The following PIEZO2 variants were observed in gnomAD, a reference collection of about 807,000 sequenced individuals.
The protein encoded by PIEZO2 is piezo type mechanosensitive ion channel component 2, also known as piezo-type mechanosensitive ion channel component 2.
In PIEZO2, 172 loss-of-function variants were observed where a neutral mutation model predicts 337.3. That is an observed-to-expected ratio of 0.51 (90% CI 0.45 to 0.58). The LOEUF is 0.58. PIEZO2 is among the 20% of genes least tolerant of loss of function. The pLI is 0.00. For missense variants in PIEZO2, 3,028 were observed against 3,391.3 expected, an observed-to-expected ratio of 0.89 and a Z score of 2.66; for synonymous variants, 1,251 against 1,228.5, an observed-to-expected ratio of 1.02 and a Z score of -0.38.
rs939036771 is a variant in PIEZO2, at chr18:10,731,425, G to A, written c.5011C>T (p.Arg1671Trp). The change falls in exon 36 of 56, where the codon CGG becomes TGG. Residue 1671 changes from arginine (R) to tryptophan (W), a missense_variant. Transcript: ENST00000674853. ...RSAREERKRR[R>W]KGSKEGPVEW... The stretch of plus-strand genomic sequence containing the variant: ...CACTCACCCTCCTTGGATCCTTTCC[G>A]CCTTCGTTTCCGTTCTTCTCTTGCA... 9.1e-6 allele frequency: 14 copies of A among 1,533,860 alleles called. No homozygotes were observed. The highest frequency in any genetic ancestry group is 2.5e-5 in the East Asian group (1 of 40,654).
chr18:10,731,190 T>G (rs966807401), intron 36 of PIEZO2, among the ~76,000 whole-genome samples: 7 of 61,772 alleles, frequency 1.1e-4, no homozygotes, highest in African/African-American at 2.0e-4. Context: ...TATATATATA[T>G]ATATATATAT....
At chr18:10,791,073 G>T in intron 14 of PIEZO2, 128 bp downstream of exon 14, 1 of 1,078,614 alleles carries the variant, frequency 9.3e-7, no homozygotes. Flanking sequence ...CTGTAATAAC[G>T]TTACTTATTG....
intron 2 of PIEZO2, among the ~76,000 whole-genome samples, chr18:10,991,980 G>C (rs2035124238): frequency 6.6e-6 from 1 of 152,192 alleles, no homozygotes; most frequent in South Asian, 2.1e-4. Context: ...CTAATGTCCA[G>C]TGATGATGAG....
intron 35 of PIEZO2, 54 bp from the exon 36 acceptor site, chr18:10,731,575 G>GCT: frequency 8.5e-7 from 1 of 1,182,606 alleles, no homozygotes; most frequent in South Asian, 1.6e-5. Flanking sequence ...TGAAATAAAA[G>GCT]GGACCTACAC....
intron 18 of PIEZO2, among the ~76,000 whole-genome samples, chr18:10,778,268 C>T (rs2038857181): frequency 6.6e-6 from 1 of 152,080 alleles, no homozygotes; most frequent in African/African-American, 2.4e-5. Flanking sequence ...ATTTCAGAAG[C>T]ACACATTATA....
At chr18:11,029,816 T>C (rs1568310934) in intron 2 of PIEZO2, among the ~76,000 whole-genome samples, 1 of 152,136 alleles carries the variant, frequency 6.6e-6, no homozygotes, top group Non-Finnish European at 1.5e-5. Context: ...CCCTAGAAGG[T>C]GGACCCTTCC....
intron 3 of PIEZO2, among the ~76,000 whole-genome samples, chr18:10,920,954 A>C (rs879650619): frequency 6.6e-6 from 1 of 152,082 alleles, no homozygotes; most frequent in African/African-American, 2.4e-5. Context: ...TCAGGAGGCC[A>C]AGGCAGGAGA....
At chr18:10,931,713 T>TGTGC (rs1004023756) in intron 3 of PIEZO2, among the ~76,000 whole-genome samples, 2 of 147,760 alleles carry the variant, frequency 1.4e-5, no homozygotes, top group South Asian at 2.2e-4. Flanking sequence ...TGTGTGTGTG[T>TGTGC]GAGAGAGAGA....
At chr18:10,893,819 A>G (rs2042821389) in intron 4 of PIEZO2, 1 of 152,148 alleles carries the variant, frequency 6.6e-6, no homozygotes, top group Admixed American at 6.5e-5. Flanking sequence ...CAATTTCACA[A>G]ACACATCTGT....
In PIEZO2 at chr18:10,724,005, A is replaced by G. The variant is rs1266721977; in HGVS notation, c.5030-5746T>C. ...GCAGGGGTGGCACTGAGAAGATGCC[A>G]TAGGCAGAAGGCAGCCCCTGAGGCC... On this transcript the variant is annotated intron_variant, in intron 36 of 55. Transcript: ENST00000674853. The surrounding 1 kb of genome is among the most constrained non-coding windows in gnomAD (Gnocchi z 5.8). Among the ~76,000 whole-genome samples the G allele has an allele frequency of 6.6e-6, 1 of 152,192 alleles. No homozygotes were observed. Among genetic ancestry groups the G allele is most frequent in the African/African-American group, 2.4e-5 (1 of 41,436 alleles).
At position 11,021,762 on chromosome 18, in the gene PIEZO2, G is replaced by C. The variant is rs2036320949; in HGVS notation, c.161-42102C>G. 1.3e-5 allele frequency among the ~76,000 whole-genome samples: 2 copies of C among 152,196 alleles called. No individual in the cohort carries two copies. Among genetic ancestry groups the C allele is most frequent in the African/African-American group, 4.8e-5 (2 of 41,452 alleles). ...CAATGTATGAGTCTGAGCACCTGCAGTGTGTGTGAGGCATCATCTAGACGC... is the reference window on the plus strand; with the variant it reads ...CAATGTATGAGTCTGAGCACCTGCACTGTGTGTGAGGCATCATCTAGACGC... On this transcript the variant is annotated intron_variant, in intron 2 of 55. Transcript: ENST00000674853. This position sits in a 1 kb window ranked among gnomAD's most constrained non-coding sequence, Gnocchi z 4.7.
chr18:11,004,556 A>G (rs2035655270), intron 2 of PIEZO2, among the ~76,000 whole-genome samples: 1 of 152,240 alleles, frequency 6.6e-6, no homozygotes, highest in Non-Finnish European at 1.5e-5. Flanking sequence ...TTAGGGAGTT[A>G]GTTTAGAACG....
intron 2 of PIEZO2, among the ~76,000 whole-genome samples, chr18:11,010,574 T>G (rs2145653595): frequency 6.6e-6 from 1 of 152,354 alleles, no homozygotes; most frequent in South Asian, 2.1e-4. Flanking sequence ...GGGTGGGTAC[T>G]GGTTAAGCTC....
intron 45 of PIEZO2, 103 bp downstream of exon 45, chr18:10,697,645 G>T (rs1483387863): frequency 2.1e-6 from 3 of 1,434,330 alleles, no homozygotes; most frequent in South Asian, 2.9e-5. Context: ...TAACATTTGT[G>T]ACACGAGAAG....
intron 4 of PIEZO2, among the ~76,000 whole-genome samples, chr18:10,875,514 G>A (rs925845254): frequency 6.6e-6 from 1 of 152,140 alleles, no homozygotes; most frequent in Non-Finnish European, 1.5e-5. Flanking sequence ...GCTGAGGTCA[G>A]GAGTAGTAGT....
In PIEZO2 at chr18:11,002,429, C is replaced by T. The variant is rs1313883115; in HGVS notation, c.161-22769G>A. Reference sequence around the variant, plus strand: ...CTAGGAGGCATTCCATTGATGATATCTGAGAGTCAGTCCTCACTTATGGGG... The same window carrying T: ...CTAGGAGGCATTCCATTGATGATATTTGAGAGTCAGTCCTCACTTATGGGG... On this transcript the variant is annotated intron_variant, in intron 2 of 55. Coordinates refer to ENST00000674853, the MANE Select transcript of PIEZO2 (RefSeq NM_001378183.1). This position sits in a 1 kb window ranked among gnomAD's most constrained non-coding sequence, Gnocchi z 4.3. 6.6e-6 allele frequency among the ~76,000 whole-genome samples: 1 copy of T among 152,150 alleles called. No homozygotes were observed. Among genetic ancestry groups the T allele is most frequent in the East Asian group, 1.9e-4 (1 of 5,186 alleles).
Position 10,813,259 on chromosome 18 carries a change from G to C in PIEZO2, c.918-5985C>G, listed in dbSNP as rs1391164889. ...CTCCCAAAGTGCTGGCATTACAGGA[G>C]TGAGCCACCGCGCCCGGGCCATTTT... On this transcript the variant is annotated intron_variant, in intron 7 of 55. Coordinates refer to ENST00000674853, the MANE Select transcript of PIEZO2 (RefSeq NM_001378183.1). This position sits in a 1 kb window ranked among gnomAD's most constrained non-coding sequence, Gnocchi z 4.2. 6.6e-6 allele frequency among the ~76,000 whole-genome samples: 1 copy of C among 152,200 alleles called. No individual in the cohort carries two copies. Among genetic ancestry groups the C allele is most frequent in the South Asian group, 2.1e-4 (1 of 4,836 alleles).
chr18:10,774,340 C>T (rs2144013464), intron 18 of PIEZO2, among the ~76,000 whole-genome samples: 1 of 152,322 alleles, frequency 6.6e-6, no homozygotes, highest in Non-Finnish European at 1.5e-5. Flanking sequence ...AACAAACCAT[C>T]TTGCAAGAAT....
intron 49 of PIEZO2, among the ~76,000 whole-genome samples, chr18:10,684,122 T>TTCTC (rs1269102649): frequency 3.0e-5 from 4 of 134,092 alleles, no homozygotes; most frequent in African/African-American, 1.1e-4. Flanking sequence ...CTTTCTTTCT[T>TTCTC]TCTCTCTCTC....
Sources: allele counts gnomAD v4.1 joint callset (sites outside exome capture counted in the v4.1 genomes callset), GRCh38; gene constraint gnomAD v4.1.1; non-coding constraint Gnocchi (gnomAD v3.1); transcripts MANE v1.5; gene names NCBI Gene and HGNC (gene_info 2026-07-23, HGNC 2026-07-21).